Variants in PGPEP1L observed in about 807,000 individuals in gnomAD.
PGPEP1L encodes pyroglutamyl-peptidase I like.
Under a neutral mutation model 6.0 loss-of-function variants are expected in PGPEP1L, and 7 were observed. The observed-to-expected ratio is 1.17, with a 90% CI of 0.66 to 2.19. The LOEUF is 2.19. Ranked by LOEUF, PGPEP1L falls within the 30% of genes most tolerant of loss-of-function variation. The probability of loss-of-function intolerance (pLI) is 0.00; values close to 1 mark genes in which losing one functional copy is unlikely to be tolerated. For synonymous variants in PGPEP1L, 103 were observed against 83.9 expected, an observed-to-expected ratio of 1.23 and a Z score of -1.24; for missense variants, 209 against 192.5, an observed-to-expected ratio of 1.09 and a Z score of -0.51.
At chr15:98,981,940 A>G (rs1198393635) in intron 2 of PGPEP1L, among the ~76,000 whole-genome samples, 2 of 152,140 alleles carry the variant, frequency 1.3e-5, no homozygotes, top group Non-Finnish European at 2.9e-5. Flanking sequence ...AAGTAGGGGG[A>G]CCCACAGTAA....
chr15:99,000,077 C>T (rs901011465), intron 2 of PGPEP1L, among the ~76,000 whole-genome samples: 5 of 152,234 alleles, frequency 3.3e-5, no homozygotes, highest in East Asian at 1.9e-4. Context: ...ACCGGGGCTG[C>T]GTGCAGTGCT....
At chr15:98,993,617 C>A (rs1245522376) in intron 2 of PGPEP1L, among the ~76,000 whole-genome samples, 1 of 114,206 alleles carries the variant, frequency 8.8e-6, no homozygotes, top group Non-Finnish European at 1.6e-5. Flanking sequence ...GGGAGTTAAA[C>A]AATGAGAACA....
rs1230186479 is a variant in PGPEP1L at position 98,968,496 on chromosome 15, A to T, written c.411T>A (p.Leu137=). The T allele has an allele frequency of 6.2e-7, 1 of 1,613,480 alleles. No homozygotes were observed. The highest frequency in any genetic ancestry group is 1.3e-5 in the African/African-American group (1 of 75,046). ...CCCCCGGTCAGTTCCCTTTGGCTGG[A>T]AGGACCATGGTTGAGTTTTCTTCGA... The part of the protein sequence containing the change: ...AQFEENSTMV[L]PAKGN The change falls in exon 5 of 5, where the codon CTT becomes CTA. Residue 137 remains leucine, a synonymous_variant. Transcript: ENST00000535714.
At chr15:98,993,761 G>T (rs1253025222) in intron 2 of PGPEP1L, among the ~76,000 whole-genome samples, 1 of 151,612 alleles carries the variant, frequency 6.6e-6, no homozygotes, top group Non-Finnish European at 1.5e-5. Context: ...ACCATGGCAC[G>T]TGTATACCTA....
chr15:99,007,144 C>T (rs556658966), intron 1 of PGPEP1L, among the ~76,000 whole-genome samples: 2 of 152,360 alleles, frequency 1.3e-5, no homozygotes, highest in African/African-American at 4.8e-5. Flanking sequence ...GGCCTCTTCA[C>T]TGCCAACAGG....
chr15:98,972,902 A>AAAAT (rs2017519833), intron 2 of PGPEP1L, among the ~76,000 whole-genome samples: 3 of 113,964 alleles, frequency 2.6e-5, no homozygotes, highest in East Asian at 5.1e-4. Flanking sequence ...AAAAAAAAAA[A>AAAAT]GTGCAGTGTA....
At chr15:99,003,271 C>G (rs1256462894) in intron 2 of PGPEP1L, among the ~76,000 whole-genome samples, 2 of 149,748 alleles carry the variant, frequency 1.3e-5, no homozygotes, top group South Asian at 4.2e-4. Flanking sequence ...AAAAATGCAG[C>G]AACACACACA....
At chr15:98,989,381 T>C (rs1340472638) in intron 2 of PGPEP1L, among the ~76,000 whole-genome samples, 1 of 151,994 alleles carries the variant, frequency 6.6e-6, no homozygotes, top group African/African-American at 2.4e-5. Context: ...AGAAAGGATA[T>C]CAAAGATTGA....
At chr15:98,982,135 T>C (rs2017673041) in intron 2 of PGPEP1L, among the ~76,000 whole-genome samples, 1 of 152,242 alleles carries the variant, frequency 6.6e-6, no homozygotes, top group Non-Finnish European at 1.5e-5. Flanking sequence ...GAGCGTTTAC[T>C]AGGAGCACGG....
intron 2 of PGPEP1L, among the ~76,000 whole-genome samples, chr15:98,985,276 C>G (rs376592527): frequency 2.2e-4 from 33 of 152,318 alleles, no homozygotes; most frequent in Non-Finnish European, 3.8e-4. Flanking sequence ...CAGTGGCTCA[C>G]ACCTGTAATC....
chr15:98,993,016 T>C (rs1282133023), intron 2 of PGPEP1L, among the ~76,000 whole-genome samples: 2 of 152,126 alleles, frequency 1.3e-5, no homozygotes, highest in African/African-American at 4.8e-5. Context: ...GAAGAAAACC[T>C]AGACAATACC....
rs73468233 is a variant in PGPEP1L at position 98,999,010 on chromosome 15, G to A, written c.-142+6419C>T. On this transcript the variant is annotated intron_variant, in intron 2 of 4. Coordinates refer to ENST00000535714, the MANE Select transcript of PGPEP1L (RefSeq NM_001167902.2). Reference sequence around the variant, plus strand: ...AAAAAACTAAGTTTTTTGGGGGGAAGGAGAAAATCTTAGGCTTTAAGGCTA... The same window carrying A: ...AAAAAACTAAGTTTTTTGGGGGGAAAGAGAAAATCTTAGGCTTTAAGGCTA... Among the ~76,000 whole-genome samples, 523 of 152,192 alleles carry A rather than the reference G, an allele frequency of 3.4e-3. 2 individuals are homozygous for A. Among genetic ancestry groups the A allele is most frequent in the African/African-American group, 0.012 (505 of 41,522 alleles).
At chr15:98,993,539 C>G (rs2017846030) in intron 2 of PGPEP1L, among the ~76,000 whole-genome samples, 1 of 151,934 alleles carries the variant, frequency 6.6e-6, no homozygotes, top group Admixed American at 6.6e-5. Flanking sequence ...TGTAGCGATT[C>G]CTCAAGGATC....
intron 2 of PGPEP1L, among the ~76,000 whole-genome samples, chr15:98,992,893 T>C (rs1374051158): frequency 6.6e-6 from 1 of 152,222 alleles, no homozygotes; most frequent in Admixed American, 6.5e-5. Flanking sequence ...TGGCTAGCCA[T>C]ATGCAGAAAG....
chr15:98,990,449 C>A (rs188588007), intron 2 of PGPEP1L, among the ~76,000 whole-genome samples: 1 of 152,112 alleles, frequency 6.6e-6, no homozygotes, highest in Non-Finnish European at 1.5e-5. Flanking sequence ...ATAGGAGCAC[C>A]CAGATTCATA....
At chr15:98,974,495 G>A (rs2017541131) in intron 2 of PGPEP1L, among the ~76,000 whole-genome samples, 3 of 152,172 alleles carry the variant, frequency 2.0e-5, no homozygotes, top group Non-Finnish European at 1.5e-5. Flanking sequence ...GATAGAATCA[G>A]TAATAAAAAG....
At position 98,969,670 on chromosome 15, in the gene PGPEP1L, G is replaced by A; in HGVS notation, c.-18-19C>T. On this transcript the variant is annotated intron_variant, in intron 3 of 4. Transcript: ENST00000535714. Reference sequence around the variant, plus strand: ...CGACGAGCTGTGTGAACGGGTAACAGCAGAGAGAACCCAGGAAAACGAGGC... The same window carrying A: ...CGACGAGCTGTGTGAACGGGTAACAACAGAGAGAACCCAGGAAAACGAGGC... 6.2e-7 allele frequency: 1 copy of A among 1,605,260 alleles called. No homozygotes were observed. Among genetic ancestry groups the A allele is most frequent in the Non-Finnish European group, 8.5e-7 (1 of 1,177,864 alleles).
chr15:98,997,844 A>G (rs576897407), intron 2 of PGPEP1L, among the ~76,000 whole-genome samples: 1 of 152,192 alleles, frequency 6.6e-6, no homozygotes, highest in East Asian at 1.9e-4. Context: ...GGGCCAGCGA[A>G]CCTGCTCTGA....
At chr15:98,987,060 G>T (rs1329697907) in intron 2 of PGPEP1L, among the ~76,000 whole-genome samples, 1 of 150,098 alleles carries the variant, frequency 6.7e-6, no homozygotes, top group Non-Finnish European at 1.5e-5. Flanking sequence ...CCAGCTAATT[G>T]GGAGGCTGAG....
Sources: allele counts gnomAD v4.1 joint callset (sites outside exome capture counted in the v4.1 genomes callset), GRCh38; gene constraint gnomAD v4.1.1; transcripts MANE v1.5; gene names NCBI Gene and HGNC (gene_info 2026-07-23, HGNC 2026-07-21).